The following GID8 variants were observed in gnomAD, a reference collection of about 807,000 sequenced individuals.
GID8 encodes the protein GID complex subunit 8 homolog.
GID8 carries 6 observed loss-of-function variants against 27.4 expected under a neutral mutation model. The observed-to-expected ratio is 0.22, with a 90% CI of 0.12 to 0.43. GID8 has a LOEUF of 0.43. GID8 is among the 20% of genes least tolerant of loss of function. The pLI, the probability that GID8 is intolerant of heterozygous loss-of-function variation, is 1.00. For synonymous variants in GID8, 112 were observed against 109.0 expected (o/e 1.03, Z -0.17); for missense variants, 173 against 287.6 (o/e 0.60, Z 2.88).
Position 62,948,172 on chromosome 20 carries a change from C to T in GID8, c.*3260C>T, listed in dbSNP as rs2065474254. On this transcript the variant is annotated 3_prime_UTR_variant, in exon 5 of 5. Coordinates refer to ENST00000266069, the MANE Select transcript of GID8 (RefSeq NM_017896.3). Reference sequence around the variant, plus strand: ...GCCTGTTGCCGTCTGTCTTCAGTAACTGCTGCTCTGTTAACTGTTCTATTC... The same window carrying T: ...GCCTGTTGCCGTCTGTCTTCAGTAATTGCTGCTCTGTTAACTGTTCTATTC... The T allele has an allele frequency of 1.3e-5, 2 of 152,268 alleles. No homozygotes were observed. The allele number at this position is 152,268 out of a possible 1,614,324, so 9.4% of individuals were successfully genotyped here. A position where few individuals can be genotyped will look rare whatever the true frequency, so the allele number is the denominator to read the frequency against.
In GID8 at chr20:62,945,963, G is replaced by A. The variant is rs2065464676; in HGVS notation, c.*1051G>A. ...CCTGCTTCTGTTCACTCACAGAACT[G>A]TCCCCTGCTCCGTGGTGGGCAGGAG... On this transcript the variant is annotated 3_prime_UTR_variant, in exon 5 of 5. Coordinates refer to ENST00000266069, the MANE Select transcript of GID8 (RefSeq NM_017896.3). 7.8e-7 allele frequency: 1 copy of A among 1,289,446 alleles called. No homozygotes were observed. Among genetic ancestry groups the A allele is most frequent in the Admixed American group, 2.3e-5 (1 of 43,574 alleles). 79.9% of individuals were successfully genotyped at this position (1,289,446 alleles called of 1,614,324 possible).
chr20:62,941,609 A>G lies in GID8; in HGVS notation c.107A>G (p.Tyr36Cys). ...RADMNRLIMNYLVTEGFKEAA... is the reference protein window; with the variant it reads ...RADMNRLIMNCLVTEGFKEAA... ...GACATGAACCGCCTCATCATGAACT[A>G]CCTGGTCACAGGTAATGGCTTACAG... The change falls in exon 2 of 5, where the codon TAC (tyrosine) becomes TGC (cysteine). Residue 36 changes from tyrosine to cysteine, a missense_variant. By Grantham distance (194) the Tyr-to-Cys change is radical (BLOSUM62 -2). Coordinates refer to ENST00000266069, the MANE Select transcript of GID8 (RefSeq NM_017896.3). 1 of 1,569,060 alleles carries G rather than the reference A, an allele frequency of 6.4e-7. No individual in the cohort carries two copies. The highest frequency in any genetic ancestry group is 8.8e-7 in the Non-Finnish European group (1 of 1,138,784).
intron 4 of GID8, among the ~76,000 whole-genome samples, chr20:62,944,226 C>T (rs2065456028): frequency 6.6e-6 from 1 of 152,204 alleles, no homozygotes; most frequent in South Asian, 2.1e-4. Flanking sequence ...TTATATTTAT[C>T]TGAACCTTCT....
intron 2 of GID8, 151 bp downstream of exon 2, chr20:62,941,771 A>G: frequency 1.6e-6 from 1 of 619,130 alleles, no homozygotes; most frequent in African/African-American, 1.8e-5. Flanking sequence ...TTTGGAAGTT[A>G]TCATGTGAAA....
At chr20:62,944,613 G>A (rs2065457515) in intron 4 of GID8, 126 bp from the exon 5 acceptor site, 1 of 698,206 alleles carries the variant, frequency 1.4e-6, no homozygotes, top group Non-Finnish European at 2.5e-6. Context: ...CAAGGACTAT[G>A]TATTTCATGT....
Position 62,948,156 on chromosome 20 carries a change from C to T in GID8, c.*3244C>T, listed in dbSNP as rs2065474197. 1 of 152,222 alleles carries T rather than the reference C, an allele frequency of 6.6e-6. No homozygotes were observed. The highest frequency in any genetic ancestry group is 2.4e-5 in the African/African-American group (1 of 41,452). 9.4% of individuals were successfully genotyped at this position (152,222 alleles called of 1,614,324 possible). A position where few individuals can be genotyped will look rare whatever the true frequency, so the allele number is the denominator to read the frequency against. ...CATGGCTGGCGCAGCTGCCTGTTGC[C>T]GTCTGTCTTCAGTAACTGCTGCTCT... On this transcript the variant is annotated 3_prime_UTR_variant, in exon 5 of 5. Transcript: ENST00000266069.
chr20:62,945,177 T>C lies in GID8; in HGVS notation c.*265T>C. Reference sequence around the variant, plus strand: ...GAATCTGGAAGGTTGCGGTTTGCTCTTCCAGTGTTCGGGGGCCTCTGGCTG... The same window carrying C: ...GAATCTGGAAGGTTGCGGTTTGCTCCTCCAGTGTTCGGGGGCCTCTGGCTG... On this transcript the variant is annotated 3_prime_UTR_variant, in exon 5 of 5. Coordinates refer to ENST00000266069, the MANE Select transcript of GID8 (RefSeq NM_017896.3). 8.1e-7 allele frequency: 1 copy of C among 1,234,474 alleles called. No individual in the cohort carries two copies. Among genetic ancestry groups the C allele is most frequent in the Non-Finnish European group, 1.0e-6 (1 of 981,324 alleles). 76.5% of individuals were successfully genotyped at this position (1,234,474 alleles called of 1,614,324 possible). A position where few individuals can be genotyped will look rare whatever the true frequency, so the allele number is the denominator to read the frequency against.
At position 62,945,431 on chromosome 20, in the gene GID8, GAGGGCAT is replaced by G; in HGVS notation, c.*520_*526del. 3 of 992,500 alleles carry G rather than the reference GAGGGCAT, an allele frequency of 3.0e-6. No homozygotes were observed. The highest frequency in any genetic ancestry group is 8.9e-5 in the South Asian group (2 of 22,508). 61.5% of individuals were successfully genotyped at this position (992,500 alleles called of 1,614,324 possible). A position where few individuals can be genotyped will look rare whatever the true frequency, so the allele number is the denominator to read the frequency against. On this transcript the variant is annotated 3_prime_UTR_variant, in exon 5 of 5. Transcript: ENST00000266069. ...CCTAATTCAAAGATGGCTCATGTGT[GAGGGCAT>G]TGAGTTTGATTTGTTTTCCCTTTGG... is the stretch of plus-strand genomic sequence containing the variant.
chr20:62,941,685 G>A, intron 2 of GID8, 65 bp downstream of exon 2: 1 of 892,996 alleles, frequency 1.1e-6, no homozygotes, highest in Non-Finnish European at 1.9e-6. Flanking sequence ...CACATAAGGA[G>A]TGCTGTAGCA....
intron 1 of GID8, among the ~76,000 whole-genome samples, 179 bp downstream of exon 1, chr20:62,938,432 C>G (rs936655373): frequency 1.3e-5 from 2 of 152,040 alleles, no homozygotes; most frequent in Non-Finnish European, 2.9e-5. Context: ...ACGGCCGCCC[C>G]GCGCCGGTGC....
chr20:62,940,167 CTTTT>C lies in GID8; in HGVS notation c.-12-1322_-12-1319del, dbSNP rs774930210. ...CAGATTTGGCCTCTCCTGCAACTCTCTTTTTCTTTTCTTTTTTTTCTTTTTTTTT... is the reference window on the plus strand; with the variant it reads ...CAGATTTGGCCTCTCCTGCAACTCTCTCTTTTCTTTTTTTTCTTTTTTTTT... On this transcript the variant is annotated intron_variant, in intron 1 of 4. Coordinates refer to ENST00000266069, the MANE Select transcript of GID8 (RefSeq NM_017896.3). 6.6e-5 allele frequency among the ~76,000 whole-genome samples: 10 copies of C among 151,356 alleles called. No individual in the cohort carries two copies. In the South Asian group the frequency reaches 2.1e-3, roughly 31 times the overall value.
Position 62,946,097 on chromosome 20 carries a change from C to CAGTGCAGCGG in GID8, c.*1185_*1186insAGTGCAGCGG. On this transcript the variant is annotated 3_prime_UTR_variant, in exon 5 of 5. Transcript: ENST00000266069. ...GTTTGGATTCATTGCAGCGGACCAC[C>CAGTGCAGCGG]GGGCACTGTTGACCCCACTGAGCAG... is the stretch of plus-strand genomic sequence containing the variant. 1 of 1,111,132 alleles carries CAGTGCAGCGG rather than the reference C, an allele frequency of 9.0e-7. No homozygotes were observed. Among genetic ancestry groups the CAGTGCAGCGG allele is most frequent in the Non-Finnish European group, 1.2e-6 (1 of 831,334 alleles). 68.8% of individuals were successfully genotyped at this position (1,111,132 alleles called of 1,614,324 possible).
At chr20:62,939,279 T>C (rs1601067553) in intron 1 of GID8, among the ~76,000 whole-genome samples, 1 of 152,160 alleles carries the variant, frequency 6.6e-6, no homozygotes, top group Non-Finnish European at 1.5e-5. Flanking sequence ...CCACATCAAG[T>C]TTTCTTCTGC....
chr20:62,941,552 A>G lies in GID8; in HGVS notation c.50A>G (p.Glu17Gly). 1.9e-6 allele frequency: 3 copies of G among 1,613,396 alleles called. No individual in the cohort carries two copies. Among genetic ancestry groups the G allele is most frequent in the Non-Finnish European group, 2.5e-6 (3 of 1,179,258 alleles). Reference protein sequence around the residue: ...PDEITKDEWMEKLNNLHVQRA... With the variant: ...PDEITKDEWMGKLNNLHVQRA... ...GAAATCACGAAAGATGAGTGGATGG[A>G]AAAGCTCAATAACTTGCATGTCCAG... The change falls in exon 2 of 5, where the codon GAA (glutamate) becomes GGA (glycine). Residue 17 changes from glutamate (E) to glycine (G), a missense_variant. Glu to Gly is a moderately conservative substitution (Grantham distance 98). Transcript: ENST00000266069.
chr20:62,939,509 G>A (rs1003433289), intron 1 of GID8, among the ~76,000 whole-genome samples: 1 of 149,478 alleles, frequency 6.7e-6, no homozygotes. Context: ...TTCTCCAGAC[G>A]CATGTCTAAT....
chr20:62,943,452 G>T lies in GID8; in HGVS notation c.316-43G>T. ...TGGTACCACCTGCCCTAAGTCCCTG[G>T]CCTGGGTGTGTGGGGGTCAAGCTTG... On this transcript the variant is annotated intron_variant, in intron 3 of 4. Coordinates refer to ENST00000266069, the MANE Select transcript of GID8 (RefSeq NM_017896.3). The surrounding 1 kb of genome is among the most constrained non-coding windows in gnomAD (Gnocchi z 4.7). 2.5e-6 allele frequency: 4 copies of T among 1,574,726 alleles called. No homozygotes were observed. Among genetic ancestry groups the T allele is most frequent in the Non-Finnish European group, 3.5e-6 (4 of 1,147,020 alleles).
intron 2 of GID8, 132 bp downstream of exon 2, chr20:62,941,752 C>T: frequency 1.2e-5 from 8 of 663,976 alleles, no homozygotes; most frequent in Non-Finnish European, 2.2e-5. Context: ...ACAATGCTAA[C>T]CTGGTAAGTT....
rs2065451788 is a variant in GID8 at position 62,943,294 on chromosome 20, C to T, written c.315+111C>T. ...TTGCTTTAATAATGTTATTTCAATG[C>T]ATGTGAGGGGGAGAGGTTTGAGTTT... is the stretch of plus-strand genomic sequence containing the variant. On this transcript the variant is annotated intron_variant, in intron 3 of 4. Coordinates refer to ENST00000266069, the MANE Select transcript of GID8 (RefSeq NM_017896.3). This position sits in a 1 kb window ranked among gnomAD's most constrained non-coding sequence, Gnocchi z 4.7. 6.1e-6 allele frequency: 6 copies of T among 987,912 alleles called. No homozygotes were observed. The Admixed American group carries it at 7.1e-5, about 12-fold the overall frequency. 61.2% of individuals were successfully genotyped at this position (987,912 alleles called of 1,614,324 possible).
rs2065470202 is a variant in GID8 at position 62,947,196 on chromosome 20, C to G, written c.*2284C>G. 1 of 152,252 alleles carries G rather than the reference C, an allele frequency of 6.6e-6. No homozygotes were observed. Among genetic ancestry groups the G allele is most frequent in the South Asian group, 2.1e-4 (1 of 4,830 alleles). 9.4% of individuals were successfully genotyped at this position (152,252 alleles called of 1,614,324 possible). On this transcript the variant is annotated 3_prime_UTR_variant, in exon 5 of 5. Coordinates refer to ENST00000266069, the MANE Select transcript of GID8 (RefSeq NM_017896.3). ...CTTCATGATAAGCCAGTGCCAGCATCCAGCGTGAGCAGACGTCGGGGAGAC... is the reference window on the plus strand; with the variant it reads ...CTTCATGATAAGCCAGTGCCAGCATGCAGCGTGAGCAGACGTCGGGGAGAC...
Sources: allele counts gnomAD v4.1 joint callset (sites outside exome capture counted in the v4.1 genomes callset), GRCh38; gene constraint gnomAD v4.1.1; non-coding constraint Gnocchi (gnomAD v3.1); transcripts MANE v1.5; gene names NCBI Gene and HGNC (gene_info 2026-07-23, HGNC 2026-07-21).